ENOX1: variants seen among roughly 807,000 people sequenced by gnomAD.
ENOX1 encodes the protein candidate growth-related and time keeping constitutive hydroquinone (NADH) oxidase.
ENOX1 carries 42 observed loss-of-function variants against 82.5 expected under a neutral mutation model. That is an observed-to-expected ratio of 0.51 (90% CI 0.40 to 0.66). The LOEUF is 0.66. ENOX1 is among the 30% of genes least tolerant of loss of function. The pLI, the probability that ENOX1 is intolerant of heterozygous loss-of-function variation, is 0.00. For missense variants in ENOX1, 608 were observed against 811.6 expected, an observed-to-expected ratio of 0.75 and a Z score of 3.05; for synonymous variants, 271 against 282.2, an observed-to-expected ratio of 0.96 and a Z score of 0.40.
At chr13:43,315,769 A>T (rs182481840) in intron 11 of ENOX1, among the ~76,000 whole-genome samples, 1 of 152,312 alleles carries the variant, frequency 6.6e-6, no homozygotes, top group African/African-American at 2.4e-5. Flanking sequence ...GCAACTTTGC[A>T]TCTTATTACA....
At chr13:43,557,264 G>A (rs2079481353) in intron 2 of ENOX1, among the ~76,000 whole-genome samples, 1 of 152,206 alleles carries the variant, frequency 6.6e-6, no homozygotes, top group South Asian at 2.1e-4. Flanking sequence ...TTCTCTAGAA[G>A]CAGCAGATTT....
intron 14 of ENOX1, among the ~76,000 whole-genome samples, chr13:43,237,338 T>G (rs1051587808): frequency 6.6e-6 from 1 of 152,246 alleles, no homozygotes; most frequent in Non-Finnish European, 1.5e-5. Context: ...TGGACTATTT[T>G]TAGTTCTTTC....
chr13:43,632,748 G>T (rs1051709653), intron 2 of ENOX1, among the ~76,000 whole-genome samples: 12 of 151,978 alleles, frequency 7.9e-5, no homozygotes, highest in African/African-American at 2.7e-4. Context: ...TGCCCGGCCT[G>T]ATTTTTATAA....
intron 2 of ENOX1, among the ~76,000 whole-genome samples, chr13:43,645,767 T>C (rs1400341904): frequency 6.6e-6 from 1 of 152,134 alleles, no homozygotes; most frequent in African/African-American, 2.4e-5. Flanking sequence ...TTATATAAAT[T>C]CACTTGTAAA....
chr13:43,593,669 TACACAC>T (rs58120566), intron 2 of ENOX1, among the ~76,000 whole-genome samples: 1,972 of 69,170 alleles, frequency 0.029, 239 homozygotes, highest in East Asian at 0.08. Flanking sequence ...CCAATCTCTG[TACACAC>T]ACACACACAC....
At position 43,754,660 on chromosome 13, in the gene ENOX1, C is replaced by T. The variant is rs530893032; in HGVS notation, c.-285+31992G>A. Reference sequence around the variant, plus strand: ...AGTGCAGTGGCACAATCATAGCCCACTGCAGCCTCAAACTCCTGGGCTCAA... The same window carrying T: ...AGTGCAGTGGCACAATCATAGCCCATTGCAGCCTCAAACTCCTGGGCTCAA... On this transcript the variant is annotated intron_variant, in intron 1 of 16. Transcript: ENST00000690772. Among the ~76,000 whole-genome samples, 8 of 152,156 alleles carry T rather than the reference C, an allele frequency of 5.3e-5. No individual in the cohort carries two copies. The South Asian group carries it at 1.7e-3, about 32-fold the overall frequency.
At chr13:43,226,291 T>A (rs2042019840) in intron 15 of ENOX1, among the ~76,000 whole-genome samples, 1 of 152,246 alleles carries the variant, frequency 6.6e-6, no homozygotes. Context: ...TACAAAGTTT[T>A]AAATTGATAT....
chr13:43,483,914 A>T, intron 3 of ENOX1, 95 bp downstream of exon 3: 1 of 649,236 alleles, frequency 1.5e-6, no homozygotes, highest in African/African-American at 2.0e-5. Context: ...CTACCCCCAG[A>T]GTTCTAATTG....
chr13:43,338,787 G>A (rs191396445), intron 9 of ENOX1, among the ~76,000 whole-genome samples: 3 of 140,804 alleles, frequency 2.1e-5, no homozygotes, highest in African/African-American at 7.9e-5. Flanking sequence ...CCAGGTTCAC[G>A]CCATTCTCCT....
intron 3 of ENOX1, among the ~76,000 whole-genome samples, chr13:43,425,562 T>C (rs12856868): frequency 0.16 from 23,762 of 152,136 alleles, 2,394 homozygotes; most frequent in African/African-American, 0.28. Context: ...ATAGTCTCTT[T>C]TTCTACTACA....
At position 43,383,103 on chromosome 13, in the gene ENOX1, T is replaced by C. The variant is rs546026107; in HGVS notation, c.209-21651A>G. On this transcript the variant is annotated intron_variant, in intron 5 of 16. Coordinates refer to ENST00000690772, the MANE Select transcript of ENOX1 (RefSeq NM_001347969.2). ...GATTATGGATGAACTGAACAAAATC[T>C]AGCATAAAACATGGTACCAGACCTC... Among the ~76,000 whole-genome samples, 20 of 152,352 alleles carry C rather than the reference T, an allele frequency of 1.3e-4. 1 individual carries two copies. The South Asian group carries it at 4.1e-3, about 32-fold the overall frequency.
chr13:43,533,023 G>A (rs975509791), intron 2 of ENOX1, among the ~76,000 whole-genome samples: 4 of 152,070 alleles, frequency 2.6e-5, no homozygotes, highest in Non-Finnish European at 4.4e-5. Flanking sequence ...AGTCTGAGAC[G>A]TGCAGTTTAT....
intron 2 of ENOX1, among the ~76,000 whole-genome samples, chr13:43,591,508 G>A (rs747094301): frequency 6.6e-6 from 1 of 152,160 alleles, no homozygotes; most frequent in African/African-American, 2.4e-5. Flanking sequence ...TGGTGGGAGA[G>A]AGATGAGGGG....
At chr13:43,494,464 G>A (rs1231191210) in intron 2 of ENOX1, among the ~76,000 whole-genome samples, 2 of 152,178 alleles carry the variant, frequency 1.3e-5, no homozygotes, top group African/African-American at 2.4e-5. Context: ...CTCCAGCAGT[G>A]TCTTCATATA....
intron 1 of ENOX1, among the ~76,000 whole-genome samples, chr13:43,718,429 G>A (rs1172693519): frequency 6.6e-6 from 1 of 152,000 alleles, no homozygotes; most frequent in Non-Finnish European, 1.5e-5. Flanking sequence ...CACCTACTGG[G>A]TACTATGCTC....
intron 11 of ENOX1, among the ~76,000 whole-genome samples, chr13:43,320,383 G>C (rs899263792): frequency 1.2e-4 from 19 of 152,168 alleles, no homozygotes; most frequent in African/African-American, 3.9e-4. Flanking sequence ...CAAGTAACAA[G>C]ACTGGTGAAA....
intron 9 of ENOX1, among the ~76,000 whole-genome samples, chr13:43,338,004 T>A: frequency 6.6e-6 from 1 of 152,236 alleles, no homozygotes; most frequent in Middle Eastern, 3.2e-3. Flanking sequence ...TAATCAACCC[T>A]TCTGCACTGC....
chr13:43,423,277 C>T (rs2055082821), intron 3 of ENOX1, among the ~76,000 whole-genome samples: 1 of 151,920 alleles, frequency 6.6e-6, no homozygotes, highest in African/African-American at 2.4e-5. Flanking sequence ...TTCCAAAATA[C>T]ACAGACCATA....
chr13:43,280,987 C>A (rs774654543), intron 12 of ENOX1, among the ~76,000 whole-genome samples: 1 of 152,180 alleles, frequency 6.6e-6, no homozygotes, highest in Non-Finnish European at 1.5e-5. Context: ...TGGAACCCAA[C>A]ATTTTAGGAA....
Sources: allele counts gnomAD v4.1 joint callset (sites outside exome capture counted in the v4.1 genomes callset), GRCh38; gene constraint gnomAD v4.1.1; transcripts MANE v1.5; gene names NCBI Gene and HGNC (gene_info 2026-07-23, HGNC 2026-07-21).